The following EVX1 variants were observed in gnomAD, a reference collection of about 807,000 sequenced individuals.
The protein encoded by EVX1 is homeobox even-skipped homolog protein 1.
A neutral mutation model predicts 28.6 loss-of-function variants in EVX1; 19 were observed. The ratio of observed to expected loss-of-function variants is 0.67; its 90% CI spans 0.46 to 0.98. The LOEUF is 0.98. Among genes scored for constraint, EVX1 ranks in the 50% least tolerant of loss-of-function variants. The pLI, the probability that EVX1 is intolerant of heterozygous loss-of-function variation, is 0.00. For missense variants in EVX1, 660 were observed against 583.0 expected (o/e 1.13, Z -1.36); for synonymous variants, 324 against 278.2 (o/e 1.16, Z -1.64).
chr7:27,243,123 G>C lies in EVX1; in HGVS notation c.93G>C (p.Val31=), dbSNP rs1259118201. ...GKRVSNLSEA[V]GSPLPEPPEK... ...GAGTCTCAAATTTGTCCGAAGCCGT[G>C]GGCAGCCCGCTGCCGGAGCCGCCCG... The change falls in exon 1 of 3, where the codon GTG becomes GTC. Residue 31 remains valine (V), a synonymous_variant. Transcript: ENST00000496902. 1 of 1,610,780 alleles carries C rather than the reference G, an allele frequency of 6.2e-7. No homozygotes were observed. The highest frequency in any genetic ancestry group is 2.2e-5 in the East Asian group (1 of 44,758).
rs202164329 is a variant in EVX1, at chr7:27,245,927, C to T, written c.726C>T (p.Arg242=). 5.5e-5 allele frequency: 89 copies of T among 1,611,792 alleles called. No individual in the cohort carries two copies. Among genetic ancestry groups the T allele is most frequent in the Admixed American group, 2.7e-4 (16 of 59,994 alleles). Residue 242 remains arginine (R), a synonymous_variant, in exon 3 of 3, where the codon CGC becomes CGT. Coordinates refer to ENST00000496902, the MANE Select transcript of EVX1 (RefSeq NM_001989.5). ...QNRRMKDKRQ[R]LAMTWPHPAD... is the part of the protein sequence containing the mutation. ...GGCGCATGAAGGACAAGCGGCAGCG[C>T]CTGGCCATGACGTGGCCGCACCCGG... is the stretch of plus-strand genomic sequence containing the variant.
Position 27,245,220 on chromosome 7 carries a change from G to C in EVX1, c.600G>C (p.Lys200Asn). Residue 200 changes from lysine to asparagine, a missense_variant, in exon 2 of 3, where the codon AAG becomes AAC. This residue lies in a region of EVX1 where 53 missense variants were observed against 85.1 expected (regional missense o/e 0.62). Coordinates refer to ENST00000496902, the MANE Select transcript of EVX1 (RefSeq NM_001989.5). ...GAGAGCAGATTGCGCGGCTGGAGAA[G>C]GAATTCTACCGGGAGAACTACGTAT... Reference protein sequence around the residue: ...FTREQIARLEKEFYRENYVSR... With the variant: ...FTREQIARLENEFYRENYVSR... The C allele has an allele frequency of 5.6e-6, 9 of 1,613,694 alleles. No homozygotes were observed. The highest frequency in any genetic ancestry group is 6.8e-6 in the Non-Finnish European group (8 of 1,180,050).
rs1783224920 is a variant in EVX1, at chr7:27,247,456, CT to C, written c.*1034del. 6.6e-6 allele frequency: 1 copy of C among 152,190 alleles called. No individual in the cohort carries two copies. Among genetic ancestry groups the C allele is most frequent in the South Asian group, 2.1e-4 (1 of 4,834 alleles). The allele number at this position is 152,190 out of a possible 1,614,324, so 9.4% of individuals were successfully genotyped here. A position where few individuals can be genotyped will look rare whatever the true frequency, so the allele number is the denominator to read the frequency against. ...TTGTTCACCTTCACTTCACCAGGAA[CT>C]TTCTGGCCCTACCCTTTGCATTGGG... On this transcript the variant is annotated 3_prime_UTR_variant, in exon 3 of 3. Transcript: ENST00000496902.
rs1007770194 is a variant in EVX1 at position 27,242,872 on chromosome 7, C to T, written c.-159C>T. On this transcript the variant is annotated 5_prime_UTR_variant, in exon 1 of 3. Coordinates refer to ENST00000496902, the MANE Select transcript of EVX1 (RefSeq NM_001989.5). ...TAGCTCCCACCGCCACCGCCGCGGT[C>T]GCGGTCCAGACCGCGCTCCAGCAGC... 2.7e-6 allele frequency: 2 copies of T among 752,392 alleles called. No homozygotes were observed. The highest frequency in any genetic ancestry group is 2.9e-5 in the East Asian group (1 of 34,076). 46.6% of individuals were successfully genotyped at this position (752,392 alleles called of 1,614,324 possible). A position where few individuals can be genotyped will look rare whatever the true frequency, so the allele number is the denominator to read the frequency against.
At chr7:27,245,407 G>C (rs944700679) in intron 2 of EVX1, 103 bp downstream of exon 2, 3 of 1,507,996 alleles carry the variant, frequency 2.0e-6, no homozygotes, top group Non-Finnish European at 2.7e-6. Context: ...CTGGGCCTGG[G>C]GTCTCCCTGC....
At position 27,246,131 on chromosome 7, in the gene EVX1, C is replaced by A; in HGVS notation, c.930C>A (p.Phe310Leu). 6.5e-7 allele frequency: 1 copy of A among 1,533,956 alleles called. No individual in the cohort carries two copies. The highest frequency in any genetic ancestry group is 1.2e-5 in the South Asian group (1 of 83,506). The change falls in exon 3 of 3, where the codon TTC becomes TTA. Residue 310 changes from phenylalanine to leucine, a missense_variant. Physicochemically the swap from Phe to Leu is conservative, Grantham distance 22. Coordinates refer to ENST00000496902, the MANE Select transcript of EVX1 (RefSeq NM_001989.5). ...GCTCGCTGCGCCCGCTCGACACGTT[C>A]CGCGTGCTGTCGCAGCCCTACCCGC... ...FSGSLRPLDT[F>L]RVLSQPYPRP... is the part of the protein sequence containing the mutation.
At position 27,243,474 on chromosome 7, in the gene EVX1, T is replaced by C; in HGVS notation, c.427+17T>C. 6.4e-7 allele frequency: 1 copy of C among 1,556,032 alleles called. No homozygotes were observed. Among genetic ancestry groups the C allele is most frequent in the South Asian group, 1.2e-5 (1 of 82,360 alleles). ...ACAGCAAAGGTAGCCACCGTGCCCC[T>C]CCGCTCCCCGGGCCTCCCACTGCGC... On this transcript the variant is annotated intron_variant, in intron 1 of 2. Coordinates refer to ENST00000496902, the MANE Select transcript of EVX1 (RefSeq NM_001989.5).
rs1783164811 is a variant in EVX1, at chr7:27,245,984, C to A, written c.783C>A (p.Ser261Arg). The A allele has an allele frequency of 1.9e-6, 3 of 1,604,924 alleles. No individual in the cohort carries two copies. The highest frequency in any genetic ancestry group is 3.3e-5 in the Admixed American group (2 of 60,000). ...CCGCCTTCTACACTTACATGATGAG[C>A]CATGCGGCGGCCGCGGGCGGCCTGC... ...ADPAFYTYMM[S>R]HAAAAGGLPY... is the part of the protein sequence containing the mutation. Residue 261 changes from serine (S) to arginine (R), a missense_variant, in exon 3 of 3, where the codon AGC becomes AGA. Physicochemically the swap from Ser to Arg is moderately radical, Grantham distance 110. Transcript: ENST00000496902.
At position 27,247,416 on chromosome 7, in the gene EVX1, A is replaced by G. The variant is rs1320345132; in HGVS notation, c.*991A>G. The G allele has an allele frequency of 1.3e-5, 2 of 151,878 alleles. No homozygotes were observed. The highest frequency in any genetic ancestry group is 2.9e-5 in the Non-Finnish European group (2 of 67,974). The allele number at this position is 151,878 out of a possible 1,614,324, so 9.4% of individuals were successfully genotyped here. A position where few individuals can be genotyped will look rare whatever the true frequency, so the allele number is the denominator to read the frequency against. Reference sequence around the variant, plus strand: ...GGTATCTGGCGGTAAATTAGAGGCAATTTTCATCCTTTGCTTGTTCACCTT... The same window carrying G: ...GGTATCTGGCGGTAAATTAGAGGCAGTTTTCATCCTTTGCTTGTTCACCTT... On this transcript the variant is annotated 3_prime_UTR_variant, in exon 3 of 3. Coordinates refer to ENST00000496902, the MANE Select transcript of EVX1 (RefSeq NM_001989.5).
Position 27,243,224 on chromosome 7 carries a change from C to T in EVX1, c.194C>T (p.Pro65Leu), listed in dbSNP as rs746992899. The T allele has an allele frequency of 1.3e-6, 2 of 1,550,056 alleles. No homozygotes were observed. Among genetic ancestry groups the T allele is most frequent in the Non-Finnish European group, 8.7e-7 (1 of 1,147,500 alleles). The change falls in exon 1 of 3, where the codon CCG (proline) becomes CTG (leucine). Residue 65 changes from proline to leucine, a missense_variant. Pro to Leu is a moderately conservative substitution (Grantham distance 98). This residue lies in a region of EVX1 where 308 missense variants were observed against 256.6 expected (regional missense o/e 1.20). Transcript: ENST00000496902. Reference protein sequence around the residue: ...PATRERGGGGPEEEPVDGLAG... With the variant: ...PATRERGGGGLEEEPVDGLAG... ...ACCCGGGAGCGCGGCGGGGGAGGCCCGGAGGAGGAGCCGGTAGATGGACTC... is the reference window on the plus strand; with the variant it reads ...ACCCGGGAGCGCGGCGGGGGAGGCCTGGAGGAGGAGCCGGTAGATGGACTC...
At chr7:27,244,946 T>C in intron 1 of EVX1, 102 bp from the exon 2 acceptor site, 2 of 1,492,670 alleles carry the variant, frequency 1.3e-6, no homozygotes, top group Non-Finnish European at 1.8e-6. Context: ...TGACAGGGTG[T>C]CCCTTCCCAA....
At chr7:27,245,616 G>T (rs1425632192) in intron 2 of EVX1, among the ~76,000 whole-genome samples, 1 of 152,148 alleles carries the variant, frequency 6.6e-6, no homozygotes, top group Non-Finnish European at 1.5e-5. Context: ...TCCTTTCACT[G>T]CTCCTCCCAT....
Position 27,246,135 on chromosome 7 carries a change from G to C in EVX1, c.934G>C (p.Val312Leu), listed in dbSNP as rs930346521. Residue 312 changes from valine to leucine, a missense_variant, in exon 3 of 3, where the codon GTG becomes CTG. Val to Leu is a conservative substitution (Grantham distance 32). This residue lies in a region of EVX1 where 299 missense variants were observed against 241.3 expected (regional missense o/e 1.24). Transcript: ENST00000496902. ...GCTGCGCCCGCTCGACACGTTCCGCGTGCTGTCGCAGCCCTACCCGCGGCC... is the reference window on the plus strand; with the variant it reads ...GCTGCGCCCGCTCGACACGTTCCGCCTGCTGTCGCAGCCCTACCCGCGGCC... Reference protein sequence around the residue: ...GSLRPLDTFRVLSQPYPRPEL... With the variant: ...GSLRPLDTFRLLSQPYPRPEL... 9 of 1,530,734 alleles carry C rather than the reference G, an allele frequency of 5.9e-6. No homozygotes were observed. Among genetic ancestry groups the C allele is most frequent in the South Asian group, 1.2e-5 (1 of 83,194 alleles). The allele number at this position is 1,530,734 out of a possible 1,614,324, so 94.8% of individuals were successfully genotyped here.
At position 27,243,226 on chromosome 7, in the gene EVX1, G is replaced by T; in HGVS notation, c.196G>T (p.Glu66Ter). 1 of 1,550,202 alleles carries T rather than the reference G, an allele frequency of 6.5e-7. No individual in the cohort carries two copies. The highest frequency in any genetic ancestry group is 8.7e-7 in the Non-Finnish European group (1 of 1,147,408). Residue 66 changes from glutamate (E) to a stop codon, truncating the protein, a stop_gained, in exon 1 of 3, where the codon GAG (glutamate) becomes TAG (stop). Transcript: ENST00000496902. LOFTEE classifies it high-confidence loss of function. ...CCGGGAGCGCGGCGGGGGAGGCCCG[G>T]AGGAGGAGCCGGTAGATGGACTCGC... ...ATRERGGGGP[E>*]EEPVDGLAGS...
intron 1 of EVX1, chr7:27,244,441 A>C (rs781579936): frequency 2.4e-5 from 24 of 981,724 alleles, no homozygotes; most frequent in African/African-American, 3.5e-5. Flanking sequence ...CCTACCCCTT[A>C]CTATCTTATC....
chr7:27,245,034 G>C lies in EVX1; in HGVS notation c.428-14G>C. The C allele has an allele frequency of 6.2e-7, 1 of 1,606,058 alleles. No individual in the cohort carries two copies. The highest frequency in any genetic ancestry group is 2.2e-5 in the East Asian group (1 of 44,820). ...TGTGTCTGTACACGCCTGTGCTCTG[G>C]ACTCGCTGTGCAGGGTCCGGCTCCG... On this transcript the variant is annotated splice_polypyrimidine_tract_variant and intron_variant, in intron 1 of 2. Transcript: ENST00000496902.
chr7:27,244,617 T>G (rs938182014), intron 1 of EVX1: 5 of 466,664 alleles, frequency 1.1e-5, no homozygotes, highest in African/African-American at 2.1e-5. Context: ...CCGTCACACA[T>G]AAGAGCAAGG....
chr7:27,242,878 C>G lies in EVX1; in HGVS notation c.-153C>G. The G allele has an allele frequency of 1.2e-6, 1 of 862,270 alleles. No homozygotes were observed. The highest frequency in any genetic ancestry group is 1.9e-5 in the South Asian group (1 of 52,914). 53.4% of individuals were successfully genotyped at this position (862,270 alleles called of 1,614,324 possible). On this transcript the variant is annotated 5_prime_UTR_variant, in exon 1 of 3. Transcript: ENST00000496902. ...CCACCGCCACCGCCGCGGTCGCGGT[C>G]CAGACCGCGCTCCAGCAGCTCCGCG... is the stretch of plus-strand genomic sequence containing the variant.
At position 27,243,051 on chromosome 7, in the gene EVX1, G is replaced by T. The variant is rs770771883; in HGVS notation, c.21G>T (p.Met7Ile). 6 of 1,606,770 alleles carry T rather than the reference G, an allele frequency of 3.7e-6. 1 individual carries two copies. The highest frequency in any genetic ancestry group is 3.3e-4 in the Middle Eastern group (2 of 6,030). Residue 7 changes from methionine (M) to isoleucine (I), a missense_variant, in exon 1 of 3, where the codon ATG becomes ATT. By Grantham distance (10) the Met-to-Ile change is conservative. Transcript: ENST00000496902. MESRKD[M>I]VVFLDGGQLG... ...CCGGGATGGAGAGCCGAAAGGACAT[G>T]GTTGTGTTTCTGGATGGGGGTCAGC...
Sources: gnomAD v4.1 joint callset for allele counts (sites outside exome capture counted in the v4.1 genomes callset) on GRCh38, gnomAD v4.1.1 for gene constraint, gnomAD v4.1.1 regional missense constraint, MANE v1.5 for transcripts, NCBI Gene and HGNC (gene_info 2026-07-23, HGNC 2026-07-21) for gene names.